Variants in GPAM observed in about 807,000 individuals in gnomAD.
The protein encoded by GPAM is glycerol-3-phosphate acyltransferase, mitochondrial, also known as glycerol-3-phosphate acyltransferase 1, mitochondrial.
GPAM carries 56 observed loss-of-function variants against 105.0 expected under a neutral mutation model. That is an observed-to-expected ratio of 0.53 (90% CI 0.43 to 0.67). The LOEUF is 0.67. Ranked by LOEUF, GPAM falls within the 30% of genes least tolerant of loss-of-function variation. The pLI is 0.00. For missense variants in GPAM, 855 were observed against 989.8 expected, an observed-to-expected ratio of 0.86 and a Z score of 1.83; for synonymous variants, 368 against 354.4, an observed-to-expected ratio of 1.04 and a Z score of -0.43.
chr10:112,202,817 C>T (rs1019374490), intron 1 of GPAM, among the ~76,000 whole-genome samples: 4 of 152,164 alleles, frequency 2.6e-5, no homozygotes, highest in South Asian at 2.1e-4. Context: ...ATATGAATCA[C>T]GGGTCTGAGC....
At chr10:112,175,442 T>C (rs1312122900) in intron 6 of GPAM, among the ~76,000 whole-genome samples, 158 bp downstream of exon 6, 1 of 152,212 alleles carries the variant, frequency 6.6e-6, no homozygotes, top group Non-Finnish European at 1.5e-5. Flanking sequence ...TGCCTTTCTT[T>C]AGTTTCCTTT....
upstream of GPAM, among the ~76,000 whole-genome samples, chr10:112,186,945 C>A (rs1414672459): frequency 1.3e-5 from 2 of 152,176 alleles, no homozygotes; most frequent in Non-Finnish European, 2.9e-5. Flanking sequence ...ATGATGACAA[C>A]AGCACAAAGT....
At chr10:112,199,157 T>C (rs946685078) in intron 1 of GPAM, among the ~76,000 whole-genome samples, 1 of 151,438 alleles carries the variant, frequency 6.6e-6, no homozygotes, top group Non-Finnish European at 1.5e-5. Context: ...GGTTTCACCA[T>C]GTTGCCCAGG....
chr10:112,163,791 T>C lies in GPAM; in HGVS notation c.1333A>G (p.Arg445Gly), dbSNP rs1372296336. 3 of 1,594,142 alleles carry C rather than the reference T, an allele frequency of 1.9e-6. No individual in the cohort carries two copies. The highest frequency in any genetic ancestry group is 1.3e-5 in the African/African-American group (1 of 74,574). ...SRPSDAADEG[R>G]DTSINESRNA... ...CTGGACTCATTAATGGACGTGTCTCTACCTTCATCAGCAGCATCACTGGGT... is the reference window on the plus strand; with the variant it reads ...CTGGACTCATTAATGGACGTGTCTCCACCTTCATCAGCAGCATCACTGGGT... Residue 445 changes from arginine to glycine, a missense_variant, in exon 14 of 22, where the codon AGA becomes GGA. Physicochemically the swap from Arg to Gly is moderately radical, Grantham distance 125 (BLOSUM62 -2). Transcript: ENST00000348367.
At position 112,183,753 on chromosome 10, in the gene GPAM, G is replaced by A. The variant is rs150289401; in HGVS notation, c.-188C>T. The A allele has an allele frequency of 1.3e-5, 2 of 152,394 alleles. No homozygotes were observed. Among genetic ancestry groups the A allele is most frequent in the East Asian group, 1.9e-4 (1 of 5,178 alleles). The allele number at this position is 152,394 out of a possible 1,614,324, so 9.4% of individuals were successfully genotyped here. ...GCACTTCCAGTCCCGGCCAATGCCA[G>A]CTGCAGTGGCGCACCCTGATGACGC... On this transcript the variant is annotated 5_prime_UTR_variant, in exon 1 of 22. Transcript: ENST00000348367.
chr10:112,198,140 A>G (rs1847747649), intron 1 of GPAM, among the ~76,000 whole-genome samples: 3 of 152,200 alleles, frequency 2.0e-5, no homozygotes. Context: ...AAGAGTTAAA[A>G]TATGTAAGGC....
At chr10:112,201,332 A>G (rs530059060) in intron 1 of GPAM, among the ~76,000 whole-genome samples, 1 of 152,340 alleles carries the variant, frequency 6.6e-6, no homozygotes, top group African/African-American at 2.4e-5. Flanking sequence ...TCATAGAATA[A>G]GGTCAAGGTC....
intron 17 of GPAM, 68 bp downstream of exon 17, chr10:112,159,843 G>T: frequency 6.8e-7 from 1 of 1,472,180 alleles, no homozygotes; most frequent in Non-Finnish European, 9.5e-7. Context: ...AGAAAAACAC[G>T]GGGGGTTACG....
chr10:112,221,149 A>G, the GPAM span, among the ~76,000 whole-genome samples: 1 of 152,098 alleles, frequency 6.6e-6, no homozygotes, highest in Non-Finnish European at 1.5e-5. Context: ...ATTTTTTTTA[A>G]TTTGGTAAAC....
chr10:112,209,435 G>A (rs532388958), intron 1 of GPAM, among the ~76,000 whole-genome samples: 10 of 152,192 alleles, frequency 6.6e-5, no homozygotes. Flanking sequence ...CAGCCCACAG[G>A]ATAATTAAAA....
chr10:112,222,443 G>A, the GPAM span, among the ~76,000 whole-genome samples: 1 of 152,074 alleles, frequency 6.6e-6, no homozygotes, highest in Admixed American at 6.5e-5. Flanking sequence ...TTTGTTTATG[G>A]CCAAGAACCC....
chr10:112,160,046 G>A lies in GPAM; in HGVS notation c.1767C>T (p.Ser589=), dbSNP rs762478618. ...VFIMEAIIAC[S]LYAVLNKRGL... is the part of the protein sequence containing the mutation. ...CCCTCTTGTTCAGAACTGCATAAAGGCTGCAAGCTAAGAAAAGAAAAGCAA... is the reference window on the plus strand; with the variant it reads ...CCCTCTTGTTCAGAACTGCATAAAGACTGCAAGCTAAGAAAAGAAAAGCAA... Residue 589 remains serine (S), a synonymous_variant, in exon 17 of 22, where the codon AGC becomes AGT. Transcript: ENST00000348367. The A allele has an allele frequency of 6.2e-7, 1 of 1,614,000 alleles. No homozygotes were observed. Among genetic ancestry groups the A allele is most frequent in the Admixed American group, 1.7e-5 (1 of 60,030 alleles).
chr10:112,165,569 A>T (rs1275913058), intron 12 of GPAM, among the ~76,000 whole-genome samples: 1 of 152,120 alleles, frequency 6.6e-6, no homozygotes, highest in Non-Finnish European at 1.5e-5. Flanking sequence ...GGGCACCTGT[A>T]ATCCCAGCTA....
At chr10:112,167,775 T>C (rs758690975) in intron 11 of GPAM, among the ~76,000 whole-genome samples, 8 of 152,238 alleles carry the variant, frequency 5.3e-5, no homozygotes, top group Non-Finnish European at 1.2e-4. Context: ...TGGGTGCTAG[T>C]TGCATAGATG....
intron 15 of GPAM, 142 bp from the exon 16 acceptor site, chr10:112,161,010 C>T: frequency 1.4e-6 from 1 of 706,414 alleles, no homozygotes; most frequent in Admixed American, 2.3e-5. Flanking sequence ...GCCAGAACAC[C>T]AATGCAGAGC....
upstream of GPAM, among the ~76,000 whole-genome samples, chr10:112,216,305 C>G (rs538592362): frequency 6.6e-6 from 1 of 152,302 alleles, no homozygotes; most frequent in East Asian, 1.9e-4. Context: ...ACTGGGGGCA[C>G]TGAGGTGAGC....
chr10:112,156,886 G>C, intron 19 of GPAM: 1 of 369,318 alleles, frequency 2.7e-6, no homozygotes. Context: ...ATTTTGGGAG[G>C]GACAGCAAGA....
chr10:112,207,657 T>G (rs1055751246), intron 1 of GPAM, among the ~76,000 whole-genome samples: 3 of 152,228 alleles, frequency 2.0e-5, no homozygotes, highest in African/African-American at 7.2e-5. Flanking sequence ...CTCTAAAATG[T>G]ATATTGTTCG....
upstream of GPAM, among the ~76,000 whole-genome samples, chr10:112,188,345 G>A (rs576439087): frequency 6.6e-6 from 1 of 152,272 alleles, no homozygotes; most frequent in South Asian, 2.1e-4. Context: ...AACAAGAAGA[G>A]TGACAGCACT....
Sources: allele counts gnomAD v4.1 joint callset (sites outside exome capture counted in the v4.1 genomes callset), GRCh38; gene constraint gnomAD v4.1.1; transcripts MANE v1.5; gene names NCBI Gene and HGNC (gene_info 2026-07-23, HGNC 2026-07-21).